Variants in CCDC178 observed in about 807,000 individuals in gnomAD.
CCDC178 encodes the protein coiled-coil domain-containing protein 178.
CCDC178 carries 126 observed loss-of-function variants against 117.4 expected under a neutral mutation model. The observed-to-expected ratio is 1.07, with a 90% CI of 0.93 to 1.24. CCDC178 has a LOEUF of 1.24. CCDC178 is among the 50% of genes most tolerant of loss of function. CCDC178 has a pLI of 0.00. For synonymous variants in CCDC178, 283 were observed against 313.4 expected (o/e 0.90, Z 1.02); for missense variants, 1,030 against 986.9 (o/e 1.04, Z -0.59).
chr18:33,128,841 C>T (rs2058038699), intron 20 of CCDC178, among the ~76,000 whole-genome samples: 1 of 152,154 alleles, frequency 6.6e-6, no homozygotes, highest in South Asian at 2.1e-4. Flanking sequence ...CAGTCTCAAA[C>T]CTCTGATTGC....
At chr18:33,119,667 C>T (rs569211122) in intron 20 of CCDC178, among the ~76,000 whole-genome samples, 267 of 152,298 alleles carry the variant, frequency 1.8e-3, no homozygotes, top group Non-Finnish European at 2.8e-3. Flanking sequence ...CCATTTGACC[C>T]AGCCATCCCA....
chr18:33,073,019 C>G (rs2057136930), intron 21 of CCDC178, among the ~76,000 whole-genome samples: 2 of 152,080 alleles, frequency 1.3e-5, no homozygotes, highest in South Asian at 4.1e-4. Flanking sequence ...AGACTTTTTA[C>G]TTGTGGGTAT....
chr18:33,255,446 T>C (rs2059667289), intron 14 of CCDC178, among the ~76,000 whole-genome samples: 1 of 152,036 alleles, frequency 6.6e-6, no homozygotes, highest in South Asian at 2.1e-4. Flanking sequence ...AGGAAAATAG[T>C]GTTCCCATCA....
At chr18:33,009,270 T>A (rs2055813897) in intron 21 of CCDC178, among the ~76,000 whole-genome samples, 1 of 152,090 alleles carries the variant, frequency 6.6e-6, no homozygotes, top group African/African-American at 2.4e-5. Flanking sequence ...TCCAGAGTGA[T>A]CCAATTAAAC....
Position 33,346,250 on chromosome 18 carries a change from C to G in CCDC178, c.619G>C (p.Val207Leu). Residue 207 changes from valine (V) to leucine (L), a missense_variant, in exon 9 of 23, where the codon GTC (valine) becomes CTC (leucine). Physicochemically the swap from Val to Leu is conservative, Grantham distance 32. Coordinates refer to ENST00000383096, the MANE Select transcript of CCDC178 (RefSeq NM_001105528.4). ...AATGGGAGTTCTTGAAGTTTCCAGA[C>G]TGACCAAGAGTCAATTTTCATGTTA... ...MINMKIDSWS[V>L]WKLQELPLAV... 2 of 1,613,920 alleles carry G rather than the reference C, an allele frequency of 1.2e-6. No individual in the cohort carries two copies. The highest frequency in any genetic ancestry group is 1.7e-6 in the Non-Finnish European group (2 of 1,179,898).
intron 13 of CCDC178, 64 bp downstream of exon 13, chr18:33,267,138 A>G: frequency 1.3e-6 from 2 of 1,523,986 alleles, no homozygotes; most frequent in Non-Finnish European, 1.8e-6. Context: ...TTTTAGATAT[A>G]TGAGTTAATA....
chr18:33,091,064 C>T (rs1339380993), intron 21 of CCDC178, among the ~76,000 whole-genome samples: 1 of 152,060 alleles, frequency 6.6e-6, no homozygotes, highest in Non-Finnish European at 1.5e-5. Flanking sequence ...GATAACTGCA[C>T]ATATAATTTA....
intron 20 of CCDC178, among the ~76,000 whole-genome samples, chr18:33,140,593 T>C (rs1016907932): frequency 2.0e-5 from 3 of 152,194 alleles, no homozygotes; most frequent in Admixed American, 1.3e-4. Context: ...TTGGAAAATT[T>C]GTCCCACTAG....
At chr18:33,066,301 GA>G (rs1434437118) in intron 21 of CCDC178, among the ~76,000 whole-genome samples, 2 of 150,310 alleles carry the variant, frequency 1.3e-5, no homozygotes, top group East Asian at 4.1e-4. Context: ...CTACTATCAG[GA>G]AAACAAAGGA....
At chr18:33,158,509 C>A (rs1048341909) in intron 20 of CCDC178, among the ~76,000 whole-genome samples, 1 of 151,896 alleles carries the variant, frequency 6.6e-6, no homozygotes, top group Admixed American at 6.6e-5. Flanking sequence ...TTTTTATAAA[C>A]AATATGCATT....
intron 2 of CCDC178, among the ~76,000 whole-genome samples, chr18:33,415,247 C>A (rs867751436): frequency 6.6e-6 from 1 of 152,276 alleles, no homozygotes; most frequent in Middle Eastern, 3.4e-3. Flanking sequence ...AAGACACATG[C>A]AAACGTATGT....
intron 20 of CCDC178, among the ~76,000 whole-genome samples, chr18:33,122,261 A>T (rs569198552): frequency 6.6e-6 from 1 of 152,224 alleles, no homozygotes; most frequent in South Asian, 2.1e-4. Flanking sequence ...ATGGAAGTTG[A>T]CTTGAATTTA....
chr18:33,119,038 A>C lies in CCDC178; in HGVS notation c.2239-26128T>G, dbSNP rs1598902200. On this transcript the variant is annotated intron_variant, in intron 20 of 22. Coordinates refer to ENST00000383096, the MANE Select transcript of CCDC178 (RefSeq NM_001105528.4). ...CTTACACCTTATACAAAAATTAATT[A>C]AAGATGAATTAAAGACTTAAATGTT... Among the ~76,000 whole-genome samples, 4 of 152,088 alleles carry C rather than the reference A, an allele frequency of 2.6e-5. No individual in the cohort carries two copies. In the South Asian group the frequency reaches 6.2e-4, roughly 24 times the overall value.
At chr18:33,329,864 G>A (rs900375194) in intron 10 of CCDC178, among the ~76,000 whole-genome samples, 1 of 132,532 alleles carries the variant, frequency 7.5e-6, no homozygotes, top group African/African-American at 2.9e-5. Context: ...TTGAGAGTTG[G>A]AGAATTATTA....
intron 5 of CCDC178, among the ~76,000 whole-genome samples, chr18:33,370,752 A>T (rs1424267716): frequency 6.6e-6 from 1 of 151,950 alleles, no homozygotes; most frequent in Non-Finnish European, 1.5e-5. Flanking sequence ...TTGGAGTCTC[A>T]TACGAAGAGT....
At chr18:33,277,655 T>C (rs2059966656) in intron 12 of CCDC178, among the ~76,000 whole-genome samples, 1 of 152,084 alleles carries the variant, frequency 6.6e-6, no homozygotes, top group Admixed American at 6.6e-5. Flanking sequence ...CCAGGCAGAA[T>C]GTATTATGTT....
chr18:33,293,150 A>G lies in CCDC178; in HGVS notation c.1176+9T>C. On this transcript the variant is annotated intron_variant, in intron 12 of 22. Coordinates refer to ENST00000383096, the MANE Select transcript of CCDC178 (RefSeq NM_001105528.4). ...TCAGTATTTTTTATTTCTAATATGA[A>G]AAACTCACCATTTTTGATAGAGAAT... The G allele has an allele frequency of 6.5e-7, 1 of 1,531,772 alleles. No individual in the cohort carries two copies. The highest frequency in any genetic ancestry group is 1.2e-5 in the South Asian group (1 of 80,198). 94.9% of individuals were successfully genotyped at this position (1,531,772 alleles called of 1,614,324 possible).
intron 22 of CCDC178, among the ~76,000 whole-genome samples, chr18:32,963,906 T>C (rs2054757785): frequency 6.6e-6 from 1 of 152,074 alleles, no homozygotes; most frequent in Non-Finnish European, 1.5e-5. Context: ...TTTTTCAACT[T>C]AGCAGCAAAC....
At chr18:33,372,207 T>A (rs927872040) in intron 5 of CCDC178, among the ~76,000 whole-genome samples, 2 of 152,110 alleles carry the variant, frequency 1.3e-5, no homozygotes, top group Admixed American at 1.3e-4. Flanking sequence ...TAGCACAAGA[T>A]TGAACCAAAA....
Sources: gnomAD v4.1 joint callset for allele counts (sites outside exome capture counted in the v4.1 genomes callset) on GRCh38, gnomAD v4.1.1 for gene constraint, MANE v1.5 for transcripts, NCBI Gene and HGNC (gene_info 2026-07-23, HGNC 2026-07-21) for gene names.